The following PTPN3 variants were observed in gnomAD, a reference collection of about 807,000 sequenced individuals.
PTPN3 encodes the protein protein tyrosine phosphatase non-receptor type 3.
Under a neutral mutation model 132.7 loss-of-function variants are expected in PTPN3, and 96 were observed. That is an observed-to-expected ratio of 0.72 (90% CI 0.61 to 0.86). PTPN3 has a LOEUF of 0.86. PTPN3 is among the 40% of genes least tolerant of loss of function. The pLI is 0.00. For missense variants in PTPN3, 1,125 were observed against 1,159.6 expected, an observed-to-expected ratio of 0.97 and a Z score of 0.43; for synonymous variants, 398 against 429.0, an observed-to-expected ratio of 0.93 and a Z score of 0.89.
chr9:109,391,624 A>G, intron 19 of PTPN3, 63 bp from the exon 20 acceptor site: 2 of 1,347,622 alleles, frequency 1.5e-6, no homozygotes, highest in South Asian at 1.2e-5. Context: ...GTGTGAAAAC[A>G]TACTTTATCA....
chr9:109,409,058 C>T (rs1016906032), intron 16 of PTPN3, among the ~76,000 whole-genome samples: 7 of 151,694 alleles, frequency 4.6e-5, no homozygotes, highest in African/African-American at 7.3e-5. Context: ...GATGAGTAAA[C>T]GTTTTCTGTA....
chr9:109,516,736 G>T, the PTPN3 span, among the ~76,000 whole-genome samples: 1 of 152,198 alleles, frequency 6.6e-6, no homozygotes, highest in East Asian at 1.9e-4. Flanking sequence ...AGAAGGCAAA[G>T]ACTCTTGCTA....
At chr9:109,532,944 G>GTT in the PTPN3 span, 820 of 311,784 alleles carry the variant, frequency 2.6e-3, 2 homozygotes, top group Non-Finnish European at 3.1e-3. Flanking sequence ...TCTTTTCTGG[G>GTT]TTTTTTTTTT....
At chr9:109,456,558 G>A (rs1845575074) in intron 4 of PTPN3, among the ~76,000 whole-genome samples, 1 of 152,148 alleles carries the variant, frequency 6.6e-6, no homozygotes, top group African/African-American at 2.4e-5. Context: ...GATCAGCCAG[G>A]TTGGTCTGGG....
intron 19 of PTPN3, among the ~76,000 whole-genome samples, 188 bp downstream of exon 19, chr9:109,404,260 G>A (rs560692718): frequency 5.3e-5 from 8 of 152,280 alleles, no homozygotes; most frequent in Admixed American, 3.3e-4. Flanking sequence ...TGTTATCCAC[G>A]ACAAGCACAG....
At chr9:109,489,171 T>C (rs1173440851) in intron 1 of PTPN3, among the ~76,000 whole-genome samples, 1 of 152,200 alleles carries the variant, frequency 6.6e-6, no homozygotes. Flanking sequence ...CCATCTATCA[T>C]AAACTCTGTC....
At chr9:109,421,809 A>G (rs1842909187) in intron 13 of PTPN3, among the ~76,000 whole-genome samples, 2 of 152,200 alleles carry the variant, frequency 1.3e-5, no homozygotes, top group South Asian at 4.1e-4. Flanking sequence ...CCAGCACAGC[A>G]TCTCCTCTGT....
the PTPN3 span, among the ~76,000 whole-genome samples, chr9:109,505,166 A>C: frequency 9.0e-4 from 137 of 152,326 alleles, 1 homozygote; most frequent in African/African-American, 3.2e-3. Flanking sequence ...CACAGCCACC[A>C]GGTCACCATG....
At chr9:109,529,049 G>T in the PTPN3 span, among the ~76,000 whole-genome samples, 1 of 152,166 alleles carries the variant, frequency 6.6e-6, no homozygotes, top group Admixed American at 6.5e-5. Context: ...GTGGGGGAAG[G>T]ACAGGCTGTA....
intron 13 of PTPN3, 43 bp from the exon 14 acceptor site, chr9:109,420,643 T>TC: frequency 6.4e-7 from 1 of 1,560,364 alleles, no homozygotes; most frequent in Non-Finnish European, 8.7e-7. Context: ...CAAAGCAAAT[T>TC]CCACTTAAAA....
the PTPN3 span, among the ~76,000 whole-genome samples, chr9:109,515,740 G>A: frequency 4.6e-5 from 7 of 152,184 alleles, no homozygotes; most frequent in South Asian, 1.4e-3. Context: ...GAGTAAGCAA[G>A]AGAAGAGGGG....
intron 7 of PTPN3, among the ~76,000 whole-genome samples, chr9:109,443,861 T>A (rs1430091834): frequency 6.6e-6 from 1 of 152,154 alleles, no homozygotes; most frequent in Admixed American, 6.5e-5. Context: ...CTGGTACTCG[T>A]CTTACTCGTG....
the PTPN3 span, among the ~76,000 whole-genome samples, chr9:109,510,350 G>C: frequency 1.3e-5 from 2 of 151,730 alleles, no homozygotes; most frequent in Non-Finnish European, 2.9e-5. Flanking sequence ...CCTGAGGTCG[G>C]GAATTCGAGA....
chr9:109,496,878 G>C (rs796075748), intron 1 of PTPN3, among the ~76,000 whole-genome samples: 52 of 152,314 alleles, frequency 3.4e-4, no homozygotes, highest in African/African-American at 1.2e-3. Flanking sequence ...AATGTCAATA[G>C]TGCAAGGCTG....
At chr9:109,410,183 G>C in intron 15 of PTPN3, 46 bp downstream of exon 15, 1 of 1,610,862 alleles carries the variant, frequency 6.2e-7, no homozygotes, top group South Asian at 1.1e-5. Context: ...CAAGAGGCCG[G>C]GAAGCCCTGG....
the PTPN3 span, among the ~76,000 whole-genome samples, chr9:109,516,720 T>A: frequency 6.6e-6 from 1 of 152,076 alleles, no homozygotes; most frequent in Non-Finnish European, 1.5e-5. Flanking sequence ...GCAACAATGA[T>A]TGTGGAGAAG....
intron 14 of PTPN3, among the ~76,000 whole-genome samples, chr9:109,414,678 G>A (rs1031572896): frequency 6.6e-6 from 1 of 152,138 alleles, no homozygotes; most frequent in Non-Finnish European, 1.5e-5. Flanking sequence ...TTTCCTGCTG[G>A]AACAACAGAT....
At chr9:109,533,484 G>C in the PTPN3 span, 370 of 1,589,546 alleles carry the variant, frequency 2.3e-4, 5 homozygotes, top group South Asian at 4.0e-3. Context: ...GGTAAGTTGC[G>C]GCGGTACCGA....
At chr9:109,485,140 G>A (rs1847147084) in intron 1 of PTPN3, among the ~76,000 whole-genome samples, 1 of 152,116 alleles carries the variant, frequency 6.6e-6, no homozygotes, top group African/African-American at 2.4e-5. Flanking sequence ...GAGGTGGGCA[G>A]ATCGCTTGAA....
Sources: gnomAD v4.1 joint callset for allele counts (sites outside exome capture counted in the v4.1 genomes callset) on GRCh38, gnomAD v4.1.1 for gene constraint, MANE v1.5 for transcripts, NCBI Gene and HGNC (gene_info 2026-07-23, HGNC 2026-07-21) for gene names.